Variants in TTN observed in about 807,000 individuals in gnomAD.
TTN encodes the protein titin, also known as connectin.
Under a neutral mutation model 3,223.0 loss-of-function variants are expected in TTN, and 1,525 were observed. The ratio of observed to expected loss-of-function variants is 0.47; its 90% CI spans 0.45 to 0.49. The LOEUF (loss-of-function observed/expected upper bound fraction) is 0.49. Among genes scored for constraint, TTN ranks in the 20% least tolerant of loss-of-function variants. The pLI is 0.00. For synonymous variants in TTN, 14,094 were observed against 15,161.0 expected (o/e 0.93, Z 5.17); for missense variants, 40,786 against 43,424.0 (o/e 0.94, Z 5.40).
In TTN at chr2:178,536,155, C is replaced by G; in HGVS notation, c.100592G>C (p.Arg33531Thr). 6.2e-7 allele frequency: 1 copy of G among 1,613,648 alleles called. No homozygotes were observed. The change falls in exon 357 of 363, where the codon AGA (arginine) becomes ACA (threonine). Residue 33531 changes from arginine (R) to threonine (T), a missense_variant. Coordinates refer to ENST00000589042, the MANE Select transcript of TTN (RefSeq NM_001267550.2). ...GHPKPIVKWY[R>T]QGKEIIADGL... ...ATCTGCAATGATTTCTTTGCCTTGTCTGTACCATTTGACGATAGGTTTTGG... is the reference window on the plus strand; with the variant it reads ...ATCTGCAATGATTTCTTTGCCTTGTGTGTACCATTTGACGATAGGTTTTGG...
rs1221691128 is a variant in TTN at position 178,552,608 on chromosome 2, C to A, written c.90292G>T (p.Val30098Phe). The A allele has an allele frequency of 8.7e-6, 14 of 1,613,766 alleles. No individual in the cohort carries two copies. The highest frequency in any genetic ancestry group is 1.0e-5 in the Non-Finnish European group (12 of 1,179,838). ...IEVSQLKEQSVLEFRVFAKNE... is the reference protein window; with the variant it reads ...IEVSQLKEQSFLEFRVFAKNE... ...TTGGCAAACACTCTGAACTCCAGGA[C>A]TGACTGCTCCTTAAGTTGGCTAACC... Residue 30098 changes from valine (V) to phenylalanine (F), a missense_variant, in exon 335 of 363, where the codon GTC (valine) becomes TTC (phenylalanine). Coordinates refer to ENST00000589042, the MANE Select transcript of TTN (RefSeq NM_001267550.2).
At position 178,575,669 on chromosome 2, in the gene TTN, T is replaced by C; in HGVS notation, c.70463A>G (p.Lys23488Arg). ...TRKSYSTATT[K>R]CHKCTYKVTG... ...AACTTTATATGTGCATTTATGGCACTTAGTGGTGGCTGTGGAATAAGATTT... is the reference window on the plus strand; with the variant it reads ...AACTTTATATGTGCATTTATGGCACCTAGTGGTGGCTGTGGAATAAGATTT... Residue 23488 changes from lysine (K) to arginine (R), a missense_variant, in exon 326 of 363, where the codon AAG becomes AGG. Coordinates refer to ENST00000589042, the MANE Select transcript of TTN (RefSeq NM_001267550.2). This position sits in a 1 kb window ranked among gnomAD's most constrained non-coding sequence, Gnocchi z 4.0. 6.2e-7 allele frequency: 1 copy of C among 1,613,610 alleles called. No individual in the cohort carries two copies. The highest frequency in any genetic ancestry group is 8.5e-7 in the Non-Finnish European group (1 of 1,179,648).
At position 178,578,066 on chromosome 2, in the gene TTN, G is replaced by T. The variant is rs371678190; in HGVS notation, c.68449C>A (p.Arg22817=). 290 of 1,613,156 alleles carry T rather than the reference G, an allele frequency of 1.8e-4. No homozygotes were observed. The highest frequency in any genetic ancestry group is 2.4e-4 in the Non-Finnish European group (285 of 1,179,432). ...CCTGCTAAATTGATTGCCATAACTC[G>T]GAATTCATATTCAAGACCTTCAGTT... is the stretch of plus-strand genomic sequence containing the variant. ...GLTEGLEYEF[R]VMAINLAGVG... Residue 22817 remains arginine (R), a synonymous_variant, in exon 322 of 363, where the codon CGA becomes AGA. Transcript: ENST00000589042.
chr2:178,759,958 T>C (rs905792432), intron 43 of TTN, among the ~76,000 whole-genome samples: 4 of 152,154 alleles, frequency 2.6e-5, no homozygotes, highest in African/African-American at 9.7e-5. Flanking sequence ...GTTGTAATAA[T>C]TGTAGGTGAT....
At chr2:178,695,762 A>C in intron 114 of TTN, 103 bp downstream of exon 114, 19 of 931,576 alleles carry the variant, frequency 2.0e-5, no homozygotes, top group Non-Finnish European at 2.8e-5. Flanking sequence ...GATCATTTTA[A>C]CTATTTCACA....
chr2:178,564,995 C>T lies in TTN; in HGVS notation c.81137G>A (p.Arg27046Lys). The T allele has an allele frequency of 6.2e-7, 1 of 1,612,356 alleles. No homozygotes were observed. The highest frequency in any genetic ancestry group is 8.5e-7 in the Non-Finnish European group (1 of 1,179,232). ...TCCATACCTGTTTTCAGCAAAAATT[C>T]TAAACTGGTACTCCGTGCCTGTTTT... ...KLKTGTEYQF[R>K]IFAENRYGKS... is the part of the protein sequence containing the mutation. Residue 27046 changes from arginine to lysine, a missense_variant, in exon 326 of 363, where the codon AGA (arginine) becomes AAA (lysine). Arg to Lys is a conservative substitution (Grantham distance 26). Coordinates refer to ENST00000589042, the MANE Select transcript of TTN (RefSeq NM_001267550.2).
chr2:178,564,269 T>C lies in TTN; in HGVS notation c.81863A>G (p.His27288Arg). The change falls in exon 326 of 363, where the codon CAT becomes CGT. Residue 27288 changes from histidine (H) to arginine (R), a missense_variant. By Grantham distance (29) the His-to-Arg change is conservative. Coordinates refer to ENST00000589042, the MANE Select transcript of TTN (RefSeq NM_001267550.2). ...DPKYKDVIVV[H>R]AGETFVLEAD... ...TTCAAGAACAAAAGTCTCTCCTGCA[T>C]GAACAACGATGACATCTTTATATTT... is the stretch of plus-strand genomic sequence containing the variant. 1 of 1,613,344 alleles carries C rather than the reference T, an allele frequency of 6.2e-7. No individual in the cohort carries two copies. Among genetic ancestry groups the C allele is most frequent in the South Asian group, 1.1e-5 (1 of 91,078 alleles).
chr2:178,538,540 A>C lies in TTN; in HGVS notation c.99289T>G (p.Ser33097Ala). 3 of 1,605,534 alleles carry C rather than the reference A, an allele frequency of 1.9e-6. No individual in the cohort carries two copies. The highest frequency in any genetic ancestry group is 2.6e-6 in the Non-Finnish European group (3 of 1,175,284). ...TAMSIKTKLT[S>A]GEAPGIRKEM... ...AAGTAGAGAACCAAAGGCTACTTACATGTGAGTTTAGTCTTTATAGACATA... is the reference window on the plus strand; with the variant it reads ...AAGTAGAGAACCAAAGGCTACTTACCTGTGAGTTTAGTCTTTATAGACATA... Residue 33097 changes from serine to alanine, a missense_variant and splice_region_variant, in exon 354 of 363, where the codon TCT (serine) becomes GCT (alanine). By Grantham distance (99) the Ser-to-Ala change is moderately conservative. Transcript: ENST00000589042.
intron 3 of TTN, among the ~76,000 whole-genome samples, chr2:178,801,557 A>G (rs1293929036): frequency 6.6e-6 from 1 of 152,242 alleles, no homozygotes; most frequent in African/African-American, 2.4e-5. Flanking sequence ...ATGTAAAGGC[A>G]TGCAATATTC....
At position 178,535,467 on chromosome 2, in the gene TTN, A is replaced by G; in HGVS notation, c.101148T>C (p.Asp33716=). Residue 33716 remains aspartate, a synonymous_variant, in exon 358 of 363, where the codon GAT becomes GAC. Coordinates refer to ENST00000589042, the MANE Select transcript of TTN (RefSeq NM_001267550.2). ...TGTAGTTGGTGATTTTGCTGCCACC[A>G]TCAGAGGCTGGCTCAGTCCATGTTA... is the stretch of plus-strand genomic sequence containing the variant. ...VNLTWTEPAS[D]GGSKITNYIV... 4 of 1,613,924 alleles carry G rather than the reference A, an allele frequency of 2.5e-6. No individual in the cohort carries two copies. The Middle Eastern group carries it at 6.6e-4, about 266-fold the overall frequency.
intron 150 of TTN, 92 bp downstream of exon 150, chr2:178,674,947 T>G (rs571241457): frequency 1.5e-6 from 1 of 646,948 alleles, no homozygotes; most frequent in Non-Finnish European, 2.4e-6. Context: ...GTTGATTTCC[T>G]GGGGTAAATT....
rs778419312 is a variant in TTN, at chr2:178,675,953, A to C, written c.34421T>G (p.Ile11474Ser). 2 of 1,608,114 alleles carry C rather than the reference A, an allele frequency of 1.2e-6. No individual in the cohort carries two copies. The highest frequency in any genetic ancestry group is 4.5e-5 in the East Asian group (2 of 44,776). ...KKKVTEKKVVIPKKEEAPPAK... is the reference protein window; with the variant it reads ...KKKVTEKKVVSPKKEEAPPAK... ...AGGGGGAGCCTCCTCTTTCTTGGGA[A>C]TGACCACTTTCTTCTCTGTCACTTT... The change falls in exon 148 of 363, where the codon ATT becomes AGT. Residue 11474 changes from isoleucine (I) to serine (S), a missense_variant. By Grantham distance (142) the Ile-to-Ser change is moderately radical. Coordinates refer to ENST00000589042, the MANE Select transcript of TTN (RefSeq NM_001267550.2).
In TTN at chr2:178,536,053, GCAT is replaced by G. The variant is rs1691367983; in HGVS notation, c.100691_100693del (p.Asp33564del). 4.4e-6 allele frequency: 7 copies of G among 1,595,802 alleles called. No individual in the cohort carries two copies. The highest frequency in any genetic ancestry group is 6.0e-6 in the Non-Finnish European group (7 of 1,168,594). ...GGTAGCTCTGACTTGGTAAACTGTG[GCAT>G]CATCATCTGTGACACTTGCAATGAT... On this transcript the variant is annotated inframe_deletion, in exon 357 of 363. Coordinates refer to ENST00000589042, the MANE Select transcript of TTN (RefSeq NM_001267550.2).
rs771134456 is a variant in TTN at position 178,723,546 on chromosome 2, A to G, written c.21554T>C (p.Ile7185Thr). The change falls in exon 74 of 363, where the codon ATC becomes ACC. Residue 7185 changes from isoleucine (I) to threonine (T), a missense_variant. Coordinates refer to ENST00000589042, the MANE Select transcript of TTN (RefSeq NM_001267550.2). ...RELVKGDRCN[I>T]YFEDTVAELE... ...TTCTGCCACAGTGTCTTCAAAATAG[A>G]TGTTGCACCGGTCTCCTTTCACTAG... The G allele has an allele frequency of 2.5e-6, 4 of 1,613,314 alleles. No homozygotes were observed. The African/African-American group carries it at 5.3e-5, about 22-fold the overall frequency.
At chr2:178,680,474 T>A in intron 138 of TTN, 143 bp from the exon 139 acceptor site, 1 of 716,608 alleles carries the variant, frequency 1.4e-6, no homozygotes, top group South Asian at 1.8e-5. Context: ...TAAGAAACTA[T>A]ATACTCTCTG....
At chr2:178,664,948 A>G (rs764194949) in intron 165 of TTN, 22 bp from the exon 166 acceptor site, 34 of 1,591,980 alleles carry the variant, frequency 2.1e-5, no homozygotes, top group Non-Finnish European at 2.8e-5. Context: ...TTAGCAATTC[A>G]CATTTAAGAG....
At chr2:178,750,251 T>C in intron 47 of TTN, 3 of 1,613,336 alleles carry the variant, frequency 1.9e-6, no homozygotes, top group East Asian at 2.2e-5. Context: ...CAAGTAGTCA[T>C]GGAACACTGG....
At chr2:178,707,835 C>T (rs2076102541) in intron 99 of TTN, 22 bp from the exon 100 acceptor site, 2 of 1,555,894 alleles carry the variant, frequency 1.3e-6, no homozygotes, top group Non-Finnish European at 1.7e-6. Flanking sequence ...AAGGTATTTT[C>T]ATGAGGAACA....
rs1291381595 is a variant in TTN at position 178,739,558 on chromosome 2, C to G, written c.13675G>C (p.Ala4559Pro). Residue 4559 changes from alanine to proline, a missense_variant, in exon 48 of 363, where the codon GCT becomes CCT. Ala to Pro is a conservative substitution (Grantham distance 27). Transcript: ENST00000589042. ...ATPVTKGVAS[A>P]VVSDEKQDES... ...TCTTGTTTTTCGTCAGAGACAACAG[C>G]TGAAGCAACCCCTTTAGTGACAGGT... 6.2e-7 allele frequency: 1 copy of G among 1,613,744 alleles called. No individual in the cohort carries two copies. Among genetic ancestry groups the G allele is most frequent in the Non-Finnish European group, 8.5e-7 (1 of 1,179,844 alleles).
Sources: allele counts gnomAD v4.1 joint callset (sites outside exome capture counted in the v4.1 genomes callset), GRCh38; gene constraint gnomAD v4.1.1; non-coding constraint Gnocchi (gnomAD v3.1); transcripts MANE v1.5; gene names NCBI Gene and HGNC (gene_info 2026-07-23, HGNC 2026-07-21).